CAMKMT: variants seen among roughly 807,000 people sequenced by gnomAD.
CAMKMT encodes the protein CaM KMT.
CAMKMT carries 53 observed loss-of-function variants against 48.0 expected under a neutral mutation model. The ratio of observed to expected loss-of-function variants is 1.10; its 90% CI spans 0.89 to 1.39. The LOEUF is 1.39. Among genes scored for constraint, CAMKMT ranks in the 40% most tolerant of loss-of-function variants. CAMKMT has a pLI of 0.00. For synonymous variants in CAMKMT, 165 were observed against 152.3 expected, an observed-to-expected ratio of 1.08 and a Z score of -0.61; for missense variants, 428 against 402.7, an observed-to-expected ratio of 1.06 and a Z score of -0.54.
At chr2:44,644,373 T>C (rs1204899506) in intron 3 of CAMKMT, among the ~76,000 whole-genome samples, 2 of 152,256 alleles carry the variant, frequency 1.3e-5, no homozygotes. Flanking sequence ...TATCAACTTA[T>C]AGATGTTACT....
intron 3 of CAMKMT, among the ~76,000 whole-genome samples, chr2:44,568,685 C>A (rs1204950162): frequency 6.6e-6 from 1 of 152,128 alleles, no homozygotes; most frequent in Non-Finnish European, 1.5e-5. Context: ...ATGAGGGCAC[C>A]TCATGGACAT....
In CAMKMT at chr2:44,653,405, G is replaced by A. The variant is rs915717587; in HGVS notation, c.377-50878G>A. ...TGTAAAAATCAACCAAAAGAGAATC[G>A]CAGACTTTTAGAATTGGAAGGAACA... On this transcript the variant is annotated intron_variant, in intron 3 of 10. Transcript: ENST00000378494. This position sits in a 1 kb window ranked among gnomAD's most constrained non-coding sequence, Gnocchi z 5.2. Among the ~76,000 whole-genome samples, 8 of 152,124 alleles carry A rather than the reference G, an allele frequency of 5.3e-5. No homozygotes were observed. Among genetic ancestry groups the A allele is most frequent in the African/African-American group, 1.2e-4 (5 of 41,422 alleles).
intron 3 of CAMKMT, among the ~76,000 whole-genome samples, chr2:44,596,780 C>CA (rs1432351265): frequency 1.3e-5 from 2 of 151,978 alleles, no homozygotes; most frequent in African/African-American, 4.8e-5. Flanking sequence ...AAATCCCAGG[C>CA]AAAAAACTCT....
At chr2:44,670,863 T>A (rs1675288167) in intron 3 of CAMKMT, among the ~76,000 whole-genome samples, 1 of 152,050 alleles carries the variant, frequency 6.6e-6, no homozygotes, top group Admixed American at 6.5e-5. Context: ...CTTTCGCCAA[T>A]CCTCTCTCCA....
intron 3 of CAMKMT, among the ~76,000 whole-genome samples, chr2:44,427,591 A>G (rs1285790206): frequency 2.0e-5 from 3 of 152,200 alleles, no homozygotes; most frequent in African/African-American, 2.4e-5. Context: ...CGAAAACACA[A>G]TGAGATACCA....
At chr2:44,484,759 T>C (rs1669135064) in intron 3 of CAMKMT, among the ~76,000 whole-genome samples, 1 of 151,812 alleles carries the variant, frequency 6.6e-6, no homozygotes, top group African/African-American at 2.4e-5. Context: ...ATTTCTGTTA[T>C]TGAAGGACAC....
At chr2:44,631,337 T>A (rs910931238) in intron 3 of CAMKMT, among the ~76,000 whole-genome samples, 1 of 152,114 alleles carries the variant, frequency 6.6e-6, no homozygotes, top group Non-Finnish European at 1.5e-5. Flanking sequence ...GCAAGTCACA[T>A]GTATACATAT....
chr2:44,484,691 CAAA>C (rs35786716), intron 3 of CAMKMT, among the ~76,000 whole-genome samples: 1 of 139,048 alleles, frequency 7.2e-6, no homozygotes. Context: ...TTAAATAGGA[CAAA>C]AAAAAAAAAA....
At chr2:44,432,151 G>A (rs1048667812) in intron 3 of CAMKMT, among the ~76,000 whole-genome samples, 1 of 152,180 alleles carries the variant, frequency 6.6e-6, no homozygotes, top group Admixed American at 6.5e-5. Context: ...ATATTATAAT[G>A]TAGTGGTTAC....
chr2:44,397,897 G>A (rs1170186445), intron 3 of CAMKMT, among the ~76,000 whole-genome samples: 1 of 152,166 alleles, frequency 6.6e-6, no homozygotes, highest in Non-Finnish European at 1.5e-5. Flanking sequence ...ATAATATAGA[G>A]AGGTAGCTCA....
chr2:44,411,395 C>T (rs1040100777), intron 3 of CAMKMT, among the ~76,000 whole-genome samples: 1 of 152,176 alleles, frequency 6.6e-6, no homozygotes, highest in Non-Finnish European at 1.5e-5. Context: ...AAGATTTAGA[C>T]TCCAAGGAAA....
chr2:44,640,988 A>G (rs17390134), intron 3 of CAMKMT, among the ~76,000 whole-genome samples: 18,406 of 152,196 alleles, frequency 0.12, 1,324 homozygotes, highest in Admixed American at 0.22. Flanking sequence ...TTCCAGCGTC[A>G]TGAAGTGGTG....
chr2:44,614,528 C>A (rs2341462), intron 3 of CAMKMT, among the ~76,000 whole-genome samples: 83,837 of 151,970 alleles, frequency 0.55, 24,021 homozygotes, highest in Middle Eastern at 0.66. Flanking sequence ...GAAGGCTATA[C>A]TCTTATGAGC....
At chr2:44,763,209 A>G (rs1312154357) in intron 9 of CAMKMT, among the ~76,000 whole-genome samples, 2 of 152,178 alleles carry the variant, frequency 1.3e-5, no homozygotes, top group African/African-American at 4.8e-5. Flanking sequence ...TCTGTATTCA[A>G]TGAACTGAAA....
At chr2:44,532,601 G>A (rs1666546400) in intron 3 of CAMKMT, among the ~76,000 whole-genome samples, 2 of 152,124 alleles carry the variant, frequency 1.3e-5, no homozygotes, top group Admixed American at 1.3e-4. Context: ...CAGTGACAAT[G>A]CATAATAGCT....
intron 3 of CAMKMT, among the ~76,000 whole-genome samples, chr2:44,404,366 A>G (rs1056242485): frequency 1.3e-5 from 2 of 151,882 alleles, no homozygotes; most frequent in Admixed American, 6.6e-5. Context: ...TGCATTTTCC[A>G]TTGTTCTTCT....
At chr2:44,478,023 A>AT (rs1399732462) in intron 3 of CAMKMT, among the ~76,000 whole-genome samples, 28 of 152,344 alleles carry the variant, frequency 1.8e-4, no homozygotes, top group African/African-American at 6.7e-4. Flanking sequence ...AAAAATACCT[A>AT]TATGTACCAT....
chr2:44,607,928 A>G (rs1671377761), intron 3 of CAMKMT, among the ~76,000 whole-genome samples: 1 of 152,054 alleles, frequency 6.6e-6, no homozygotes, highest in Non-Finnish European at 1.5e-5. Context: ...CATTAGCATG[A>G]CTGATCTTAT....
chr2:44,629,932 T>C (rs1352635849), intron 3 of CAMKMT, among the ~76,000 whole-genome samples: 3 of 151,610 alleles, frequency 2.0e-5, no homozygotes, highest in South Asian at 2.1e-4. Flanking sequence ...GAGCCCACAT[T>C]GCCAAGTCAA....
Sources: gnomAD v4.1 joint callset for allele counts (sites outside exome capture counted in the v4.1 genomes callset) on GRCh38, gnomAD v4.1.1 for gene constraint, Gnocchi (gnomAD v3.1) non-coding constraint, MANE v1.5 for transcripts, NCBI Gene and HGNC (gene_info 2026-07-23, HGNC 2026-07-21) for gene names.